The following SLC34A3 variants were observed in gnomAD, a reference collection of about 807,000 sequenced individuals.
The protein encoded by SLC34A3 is sodium-dependent phosphate transport protein 2C.
Under a neutral mutation model 43.9 loss-of-function variants are expected in SLC34A3, and 60 were observed. That is an observed-to-expected ratio of 1.37 (90% CI 1.11 to 1.70). The LOEUF is 1.70. Ranked by LOEUF, SLC34A3 falls within the 40% of genes most tolerant of loss-of-function variation. The pLI is 0.00. For synonymous variants in SLC34A3, 451 were observed against 386.2 expected (o/e 1.17, Z -1.97); for missense variants, 969 against 823.8 (o/e 1.18, Z -2.16).
In SLC34A3 at chr9:137,231,657, C is replaced by A. The variant is rs1453644384; in HGVS notation, c.-39-7C>A. The stretch of plus-strand genomic sequence containing the variant: ...AATGTCTCTGACACGCGCGTCCCCC[C>A]CAGCAGATCTAGACCTGGGCCTGGG... On this transcript the variant is annotated splice_polypyrimidine_tract_variant and splice_region_variant and intron_variant, in intron 1 of 12. Coordinates refer to ENST00000673835, the MANE Select transcript of SLC34A3 (RefSeq NM_001177316.2). 12 of 1,505,720 alleles carry A rather than the reference C, an allele frequency of 8.0e-6. No homozygotes were observed. The highest frequency in any genetic ancestry group is 1.0e-5 in the Non-Finnish European group (11 of 1,083,018). The allele number at this position is 1,505,720 out of a possible 1,614,324, so 93.3% of individuals were successfully genotyped here.
chr9:137,235,312 GGAGGCCCAA>G, intron 12 of SLC34A3, among the ~76,000 whole-genome samples: 1 of 152,258 alleles, frequency 6.6e-6, no homozygotes, highest in Middle Eastern at 3.4e-3. Context: ...CCTGCTGCCC[GGAGGCCCAA>G]CAGGTTCAGC....
chr9:137,234,570 C>T lies in SLC34A3; in HGVS notation c.1211-37C>T, dbSNP rs201998472. The T allele has an allele frequency of 4.0e-5, 64 of 1,610,086 alleles. No homozygotes were observed. The highest frequency in any genetic ancestry group is 4.8e-5 in the Non-Finnish European group (57 of 1,178,420). On this transcript the variant is annotated intron_variant, in intron 11 of 12. Coordinates refer to ENST00000673835, the MANE Select transcript of SLC34A3 (RefSeq NM_001177316.2). This position sits in a 1 kb window ranked among gnomAD's most constrained non-coding sequence, Gnocchi z 6.9. ...GACAGAGGCCTCGGGAACGGGGGCT[C>T]GGGCTGGGGTCCTGTGGTGACTCCC...
chr9:137,229,938 C>T (rs990250277), upstream of SLC34A3, among the ~76,000 whole-genome samples: 2 of 152,124 alleles, frequency 1.3e-5, no homozygotes, highest in African/African-American at 4.8e-5. Context: ...CTCAGGAGCC[C>T]CAGGGAAGGA....
rs548021746 is a variant in SLC34A3, at chr9:137,232,581, G to C, written c.182G>C (p.Arg61Pro). 1 of 1,609,014 alleles carries C rather than the reference G, an allele frequency of 6.2e-7. No homozygotes were observed. The highest frequency in any genetic ancestry group is 8.5e-7 in the Non-Finnish European group (1 of 1,178,262). ...GCCTGCCCTGTGTCCTCAGAGCTCC[G>C]CGTGGCCGGCAGGCTGCGCCGCGTG... Reference protein sequence around the residue: ...KDTSQPWKELRVAGRLRRVAG... With the variant: ...KDTSQPWKELPVAGRLRRVAG... The change falls in exon 4 of 13, where the codon CGC (arginine) becomes CCC (proline). Residue 61 changes from arginine to proline, a missense_variant. Coordinates refer to ENST00000673835, the MANE Select transcript of SLC34A3 (RefSeq NM_001177316.2).
rs1460397719 is a variant in SLC34A3, at chr9:137,232,151, G to A, written c.165G>A (p.Gln55=). ...TCCCTCAGCTGAAGGACACAAGCCA[G>A]CCCTGGAAAGGTGGGTCTGGAGGTT... ...WTLPQLKDTS[Q]PWKELRVAGR... The change falls in exon 3 of 13, where the codon CAG becomes CAA. Residue 55 remains glutamine, a synonymous_variant. Coordinates refer to ENST00000673835, the MANE Select transcript of SLC34A3 (RefSeq NM_001177316.2). 2 of 1,613,060 alleles carry A rather than the reference G, an allele frequency of 1.2e-6. No homozygotes were observed. The highest frequency in any genetic ancestry group is 1.7e-6 in the Non-Finnish European group (2 of 1,179,946).
chr9:137,233,441 G>A (rs974438371), intron 7 of SLC34A3, 37 bp downstream of exon 7: 1 of 1,591,082 alleles, frequency 6.3e-7, no homozygotes, highest in South Asian at 1.1e-5. Context: ...GAGAGCCTGA[G>A]CAGGCCGGAT....
Position 137,232,816 on chromosome 9 carries a change from G to A in SLC34A3, c.337G>A (p.Val113Met), listed in dbSNP as rs751882200. Reference protein sequence around the residue: ...KVAGDIFKDNVVLSNPVAGLV... With the variant: ...KVAGDIFKDNMVLSNPVAGLV... ...GGCCGGAGACATCTTCAAGGACAAC[G>A]TGGTGCTGTCCAACCCTGTGGCTGG... The change falls in exon 5 of 13, where the codon GTG (valine) becomes ATG (methionine). Residue 113 changes from valine to methionine, a missense_variant. Val to Met is a conservative substitution (Grantham distance 21). Coordinates refer to ENST00000673835, the MANE Select transcript of SLC34A3 (RefSeq NM_001177316.2). 4.3e-6 allele frequency: 7 copies of A among 1,613,166 alleles called. No homozygotes were observed. Among genetic ancestry groups the A allele is most frequent in the South Asian group, 2.2e-5 (2 of 91,090 alleles).
rs774650365 is a variant in SLC34A3 at position 137,234,611 on chromosome 9, C to T, written c.1215C>T (p.Val405=). ...FTAAVVPLMG[V]GVISLDRAYP... is the part of the protein sequence containing the mutation. ...GGTGACTCCCAGTTCCCCCAGGGGT[C>T]GGGGTGATCAGTCTGGACCGGGCGT... Residue 405 remains valine, a synonymous_variant, in exon 12 of 13, where the codon GTC becomes GTT. Coordinates refer to ENST00000673835, the MANE Select transcript of SLC34A3 (RefSeq NM_001177316.2). This position sits in a 1 kb window ranked among gnomAD's most constrained non-coding sequence, Gnocchi z 6.9. The T allele has an allele frequency of 1.1e-5, 18 of 1,612,348 alleles. No individual in the cohort carries two copies. The highest frequency in any genetic ancestry group is 8.3e-5 in the Admixed American group (5 of 60,000).
In SLC34A3 at chr9:137,233,564, G is replaced by A. The variant is rs558390473; in HGVS notation, c.757-69G>A. 1,275 of 1,572,082 alleles carry A rather than the reference G, an allele frequency of 8.1e-4. 20 individuals are homozygous for A. The South Asian group carries it at 0.012, about 15-fold the overall frequency. ...TGGGCAGGGCTGGGCTGGACCCCGC[G>A]GGCGCCAGAGCCCCGGGTGAGTCCT... On this transcript the variant is annotated intron_variant, in intron 7 of 12. Coordinates refer to ENST00000673835, the MANE Select transcript of SLC34A3 (RefSeq NM_001177316.2).
Position 137,233,406 on chromosome 9 carries a change from T to C in SLC34A3, c.756+2T>C. ...CCGCTCACACACCTCATCGTGCAGGTGAGGACGGCCACCGCCCCCGCCCAG... is the reference window on the plus strand; with the variant it reads ...CCGCTCACACACCTCATCGTGCAGGCGAGGACGGCCACCGCCCCCGCCCAG... On this transcript the variant is annotated splice_donor_variant, in intron 7 of 12. Transcript: ENST00000673835. LOFTEE classifies it high-confidence loss of function. 1.3e-6 allele frequency: 2 copies of C among 1,599,898 alleles called. No homozygotes were observed. The highest frequency in any genetic ancestry group is 2.2e-5 in the South Asian group (2 of 89,922).
At chr9:137,230,376 C>A (rs1170504536), upstream of SLC34A3, among the ~76,000 whole-genome samples, 1 of 152,190 alleles carries the variant, frequency 6.6e-6, no homozygotes, top group Non-Finnish European at 1.5e-5. Context: ...GATCTGAACC[C>A]TCTGACCTCG....
At position 137,234,457 on chromosome 9, in the gene SLC34A3, G is replaced by A. The variant is rs368525218; in HGVS notation, c.1135G>A (p.Val379Ile). 151 of 1,598,754 alleles carry A rather than the reference G, an allele frequency of 9.4e-5. 1 individual carries two copies. The highest frequency in any genetic ancestry group is 6.6e-4 in the Middle Eastern group (4 of 6,074). The change falls in exon 11 of 13, where the codon GTC (valine) becomes ATC (isoleucine). Residue 379 changes from valine to isoleucine, a missense_variant. By Grantham distance (29) the Val-to-Ile change is conservative. Transcript: ENST00000673835. This position sits in a 1 kb window ranked among gnomAD's most constrained non-coding sequence, Gnocchi z 6.9. ...PLGWLGGYLA[V>I]LAGAGLTFAL... is the part of the protein sequence containing the mutation. ...GGGCTGGCTCGGCGGCTACCTGGCC[G>A]TCCTCGCGGGCGCCGGCCTGACCTT...
rs763135276 is a variant in SLC34A3, at chr9:137,234,541, G to A, written c.1210+9G>A. On this transcript the variant is annotated intron_variant, in intron 11 of 12. Transcript: ENST00000673835. This position sits in a 1 kb window ranked among gnomAD's most constrained non-coding sequence, Gnocchi z 6.9. ...CGTCGTGCCCCTCATGGGTGAGCAG[G>A]CAGGACAGAGGCCTCGGGAACGGGG... 2.5e-6 allele frequency: 4 copies of A among 1,608,624 alleles called. No individual in the cohort carries two copies. Among genetic ancestry groups the A allele is most frequent in the South Asian group, 2.2e-5 (2 of 90,984 alleles).
In SLC34A3 at chr9:137,233,105, G is replaced by A. The variant is rs1477034192; in HGVS notation, c.550G>A (p.Glu184Lys). ...VSMAQSGDRD[E>K]FQRAFSGSAV... ...AATGGCGCAGTCAGGGGACCGGGAT[G>A]AATTTCAGAGGTGAGTTGTGGGTGG... The change falls in exon 6 of 13, where the codon GAA becomes AAA. Residue 184 changes from glutamate to lysine, a missense_variant. By Grantham distance (56) the Glu-to-Lys change is moderately conservative (BLOSUM62 1). Transcript: ENST00000673835. 2 of 1,517,888 alleles carry A rather than the reference G, an allele frequency of 1.3e-6. No individual in the cohort carries two copies. The highest frequency in any genetic ancestry group is 1.1e-5 in the South Asian group (1 of 89,374). The allele number at this position is 1,517,888 out of a possible 1,614,324, so 94.0% of individuals were successfully genotyped here. A position where few individuals can be genotyped will look rare whatever the true frequency, so the allele number is the denominator to read the frequency against.
chr9:137,234,186 C>T lies in SLC34A3; in HGVS notation c.1003C>T (p.Leu335Phe), dbSNP rs1836436445. 1 of 1,605,938 alleles carries T rather than the reference C, an allele frequency of 6.2e-7. No individual in the cohort carries two copies. The part of the protein sequence containing the change: ...CILLAGSLLV[L>F]CGCLVLIVKL... The stretch of plus-strand genomic sequence containing the variant: ...CCTGCTGGCCGGCTCCCTGCTGGTG[C>T]TCTGCGGCTGCCTGGTCCTCATAGT... Residue 335 changes from leucine (L) to phenylalanine (F), a missense_variant, in exon 10 of 13, where the codon CTC becomes TTC. Leu to Phe is a conservative substitution (Grantham distance 22, BLOSUM62 0). Coordinates refer to ENST00000673835, the MANE Select transcript of SLC34A3 (RefSeq NM_001177316.2). The surrounding 1 kb of genome is among the most constrained non-coding windows in gnomAD (Gnocchi z 6.9).
Position 137,231,710 on chromosome 9 carries a change from G to C in SLC34A3, c.8G>C (p.Ser3Thr). ...TGTCCCTGCCCGAAATCCATGCCGA[G>C]TTCCCTTCCCGGCAGCCAGGTCCCC... is the stretch of plus-strand genomic sequence containing the variant. MP[S>T]SLPGSQVPHP... The change falls in exon 2 of 13, where the codon AGT becomes ACT. Residue 3 changes from serine to threonine, a missense_variant. Physicochemically the swap from Ser to Thr is moderately conservative, Grantham distance 58. Transcript: ENST00000673835. 6.2e-7 allele frequency: 1 copy of C among 1,613,002 alleles called. No individual in the cohort carries two copies. The highest frequency in any genetic ancestry group is 8.5e-7 in the Non-Finnish European group (1 of 1,179,932).
chr9:137,232,746 C>T lies in SLC34A3; in HGVS notation c.305-38C>T, dbSNP rs753879514. 26 of 1,612,814 alleles carry T rather than the reference C, an allele frequency of 1.6e-5. 1 individual carries two copies. The East Asian group carries it at 5.6e-4, about 35-fold the overall frequency. The stretch of plus-strand genomic sequence containing the variant: ...TGCCCAGGGCGGGGCGGGCAACCAG[C>T]CCTCCGCAGCTTCAGCGCACCTCTC... On this transcript the variant is annotated intron_variant, in intron 4 of 12. Transcript: ENST00000673835.
Position 137,234,069 on chromosome 9 carries a change from C to A in SLC34A3, c.926-40C>A, listed in dbSNP as rs767656955. On this transcript the variant is annotated intron_variant, in intron 9 of 12. Coordinates refer to ENST00000673835, the MANE Select transcript of SLC34A3 (RefSeq NM_001177316.2). This position sits in a 1 kb window ranked among gnomAD's most constrained non-coding sequence, Gnocchi z 6.9. ...TGAGGCCCGGCCCACCCCGGCCCAC[C>A]CCCCAGGCTCCCCCTCACCTGCCCC... The A allele has an allele frequency of 4.1e-6, 6 of 1,479,000 alleles. No homozygotes were observed. In the South Asian group the frequency reaches 6.1e-5, roughly 15 times the overall value. The allele number at this position is 1,479,000 out of a possible 1,614,324, so 91.6% of individuals were successfully genotyped here.
Position 137,234,457 on chromosome 9 carries a change from G to T in SLC34A3, c.1135G>T (p.Val379Phe). The change falls in exon 11 of 13, where the codon GTC becomes TTC. Residue 379 changes from valine to phenylalanine, a missense_variant. Transcript: ENST00000673835. The surrounding 1 kb of genome is among the most constrained non-coding windows in gnomAD (Gnocchi z 6.9). ...GGGCTGGCTCGGCGGCTACCTGGCCGTCCTCGCGGGCGCCGGCCTGACCTT... is the reference window on the plus strand; with the variant it reads ...GGGCTGGCTCGGCGGCTACCTGGCCTTCCTCGCGGGCGCCGGCCTGACCTT... ...PLGWLGGYLA[V>F]LAGAGLTFAL... The T allele has an allele frequency of 6.3e-7, 1 of 1,598,872 alleles. No individual in the cohort carries two copies.
Sources: allele counts gnomAD v4.1 joint callset (sites outside exome capture counted in the v4.1 genomes callset), GRCh38; gene constraint gnomAD v4.1.1; non-coding constraint Gnocchi (gnomAD v3.1); transcripts MANE v1.5; gene names NCBI Gene and HGNC (gene_info 2026-07-23, HGNC 2026-07-21).